CCBE1: variants seen among roughly 807,000 people sequenced by gnomAD.
The protein encoded by CCBE1 is collagen and calcium binding EGF domains 1, also known as collagen and calcium-binding EGF domain-containing protein 1.
CCBE1 carries 37 observed loss-of-function variants against 50.0 expected under a neutral mutation model. The observed-to-expected ratio is 0.74, with a 90% CI of 0.57 to 0.97. The LOEUF (loss-of-function observed/expected upper bound fraction) is 0.97. Ranked by LOEUF, CCBE1 falls within the 50% of genes least tolerant of loss-of-function variation. The pLI is 0.00. For missense variants in CCBE1, 538 were observed against 523.8 expected (o/e 1.03, Z -0.26); for synonymous variants, 234 against 203.7 (o/e 1.15, Z -1.27).
chr18:59,549,915 G>C (rs1915852329), intron 2 of CCBE1, among the ~76,000 whole-genome samples: 1 of 152,186 alleles, frequency 6.6e-6, no homozygotes, highest in South Asian at 2.1e-4. Context: ...TAAGCAAGCT[G>C]AGACTCAGAG....
chr18:59,608,336 G>A (rs752748443), intron 2 of CCBE1, among the ~76,000 whole-genome samples: 15 of 152,134 alleles, frequency 9.9e-5, no homozygotes, highest in Non-Finnish European at 1.9e-4. Flanking sequence ...TTAACTTTGT[G>A]TTCCAGACCC....
chr18:59,673,637 GTTT>G (rs544951519), intron 2 of CCBE1, among the ~76,000 whole-genome samples: 183 of 152,282 alleles, frequency 1.2e-3, no homozygotes, highest in African/African-American at 4.1e-3. Context: ...TTTATGGAGA[GTTT>G]TTTAACATGA....
chr18:59,448,105 T>G lies in CCBE1; in HGVS notation c.655-2A>C. On this transcript the variant is annotated splice_acceptor_variant, in intron 6 of 10. Coordinates refer to ENST00000439986, the MANE Select transcript of CCBE1 (RefSeq NM_133459.4). LOFTEE classifies it high-confidence loss of function. ...TGCATTGTTGGGGAGCAGAGCAATC[T>G]GCAAGGAGAAGAGGAAGCCTCAGTC... 1 of 1,613,728 alleles carries G rather than the reference T, an allele frequency of 6.2e-7. No individual in the cohort carries two copies. Among genetic ancestry groups the G allele is most frequent in the Non-Finnish European group, 8.5e-7 (1 of 1,179,990 alleles).
intron 2 of CCBE1, among the ~76,000 whole-genome samples, chr18:59,544,377 C>T (rs1915602871): frequency 6.6e-6 from 1 of 152,128 alleles, no homozygotes; most frequent in South Asian, 2.1e-4. Context: ...TAAAATTAAC[C>T]CTCACCATTA....
At chr18:59,665,884 T>C (rs533965550) in intron 2 of CCBE1, among the ~76,000 whole-genome samples, 57 of 152,290 alleles carry the variant, frequency 3.7e-4, no homozygotes, top group Non-Finnish European at 3.7e-4. Context: ...GTGGGCCAAG[T>C]TAATTTTTCA....
intron 2 of CCBE1, among the ~76,000 whole-genome samples, chr18:59,665,745 G>T (rs1367700415): frequency 6.6e-6 from 1 of 152,164 alleles, no homozygotes; most frequent in Non-Finnish European, 1.5e-5. Flanking sequence ...CTCTTCCTGG[G>T]TAAGCATTTC....
chr18:59,472,564 A>G (rs1377727287), intron 3 of CCBE1, among the ~76,000 whole-genome samples: 2 of 152,056 alleles, frequency 1.3e-5, no homozygotes, highest in South Asian at 4.2e-4. Context: ...AGCAGCTACT[A>G]CTCTTGGTCT....
intron 2 of CCBE1, among the ~76,000 whole-genome samples, chr18:59,676,013 C>A (rs987559608): frequency 1.3e-5 from 2 of 152,210 alleles, no homozygotes; most frequent in African/African-American, 4.8e-5. Flanking sequence ...TCTCCAGAAG[C>A]AAACAGTGGC....
At chr18:59,655,606 T>A (rs145348683) in intron 2 of CCBE1, among the ~76,000 whole-genome samples, 7 of 152,286 alleles carry the variant, frequency 4.6e-5, no homozygotes, top group African/African-American at 1.7e-4. Flanking sequence ...AGACAACATG[T>A]AAGGAAGTAG....
rs181009714 is a variant in CCBE1 at position 59,534,025 on chromosome 18, T to C, written c.213-53787A>G. On this transcript the variant is annotated intron_variant, in intron 2 of 10. Transcript: ENST00000439986. ...CATTGAGAGATTCCAAAGAAAAAAA[T>C]TGACTTGGAGAATCCCCATAACCAC... is the stretch of plus-strand genomic sequence containing the variant. Among the ~76,000 whole-genome samples the C allele has an allele frequency of 2.5e-3, 380 of 152,244 alleles. 1 individual carries two copies. Among genetic ancestry groups the C allele is most frequent in the Non-Finnish European group, 4.5e-3 (306 of 68,020 alleles).
At chr18:59,526,393 T>TTCG (rs1914822779) in intron 2 of CCBE1, among the ~76,000 whole-genome samples, 2 of 150,202 alleles carry the variant, frequency 1.3e-5, no homozygotes, top group East Asian at 4.0e-4. Flanking sequence ...CACTGCAACC[T>TTCG]CCGCCTCCTG....
chr18:59,676,350 C>A (rs1375866241), intron 2 of CCBE1, among the ~76,000 whole-genome samples: 1 of 152,090 alleles, frequency 6.6e-6, no homozygotes, highest in Non-Finnish European at 1.5e-5. Flanking sequence ...CAGCAAGTGC[C>A]CACCCATGGC....
chr18:59,515,208 C>G (rs141112711), intron 2 of CCBE1, among the ~76,000 whole-genome samples: 5 of 152,170 alleles, frequency 3.3e-5, no homozygotes, highest in African/African-American at 1.2e-4. Flanking sequence ...TTGCGCTGAG[C>G]CACACATCTG....
At chr18:59,480,502 C>T (rs749717151) in intron 2 of CCBE1, among the ~76,000 whole-genome samples, 6 of 151,980 alleles carry the variant, frequency 3.9e-5, no homozygotes, top group South Asian at 2.1e-4. Context: ...TAATTAACTC[C>T]GACTTCAAGA....
At chr18:59,531,761 A>C (rs1915060358) in intron 2 of CCBE1, among the ~76,000 whole-genome samples, 1 of 152,128 alleles carries the variant, frequency 6.6e-6, no homozygotes, top group African/African-American at 2.4e-5. Flanking sequence ...ACATATACAC[A>C]TATGCTCCTG....
chr18:59,544,847 T>C (rs781741558), intron 2 of CCBE1, among the ~76,000 whole-genome samples: 22 of 152,202 alleles, frequency 1.4e-4, no homozygotes, highest in Non-Finnish European at 2.6e-4. Flanking sequence ...ATATTAGTGT[T>C]AGGGAATGCA....
chr18:59,595,291 T>A (rs1049667191), intron 2 of CCBE1, among the ~76,000 whole-genome samples: 2 of 151,894 alleles, frequency 1.3e-5, no homozygotes, highest in Non-Finnish European at 2.9e-5. Context: ...TTCACAACAT[T>A]TGGGCTCACC....
intron 5 of CCBE1, among the ~76,000 whole-genome samples, chr18:59,458,809 G>T (rs1388726223): frequency 1.4e-4 from 21 of 152,192 alleles, no homozygotes; most frequent in Admixed American, 1.4e-3. Context: ...CAAATTCCTG[G>T]GCTGTTTTCT....
intron 3 of CCBE1, among the ~76,000 whole-genome samples, chr18:59,477,806 C>A (rs553518959): frequency 6.6e-6 from 1 of 152,066 alleles, no homozygotes; most frequent in Non-Finnish European, 1.5e-5. Context: ...GAACATACAA[C>A]TTTGTTATTG....
Sources: gnomAD v4.1 joint callset for allele counts (sites outside exome capture counted in the v4.1 genomes callset) on GRCh38, gnomAD v4.1.1 for gene constraint, MANE v1.5 for transcripts, NCBI Gene and HGNC (gene_info 2026-07-23, HGNC 2026-07-21) for gene names.